CSMD1: variants seen among roughly 807,000 people sequenced by gnomAD.
The protein encoded by CSMD1 is CUB and sushi domain-containing protein 1.
Under a neutral mutation model 417.5 loss-of-function variants are expected in CSMD1, and 213 were observed. The observed-to-expected ratio is 0.51, with a 90% CI of 0.46 to 0.57. CSMD1 has a LOEUF of 0.57. Among genes scored for constraint, CSMD1 ranks in the 20% least tolerant of loss-of-function variants. The pLI is 0.00. For synonymous variants in CSMD1, 2,862 were observed against 1,736.8 expected (o/e 1.65, Z -16.11); for missense variants, 6,923 against 4,529.7 (o/e 1.53, Z -15.17).
Position 3,072,048 on chromosome 8 carries a change from T to C in CSMD1, c.7474+15049A>G, listed in dbSNP as rs146632456. 7.3e-3 allele frequency among the ~76,000 whole-genome samples: 1,119 copies of C among 152,342 alleles called. 14 individuals are homozygous for C. The highest frequency in any genetic ancestry group is 0.025 in the African/African-American group (1,048 of 41,572). On this transcript the variant is annotated intron_variant, in intron 49 of 69. Transcript: ENST00000635120. ...ATGATTTTCTGGATAATGCATTCCA[T>C]ACAATGCTCGTCTAAGTTATTTTTT... is the stretch of plus-strand genomic sequence containing the variant.
chr8:3,373,795 T>C (rs972330664), intron 18 of CSMD1: 1 of 152,200 alleles, frequency 6.6e-6, no homozygotes, highest in African/African-American at 2.4e-5. Flanking sequence ...AATTTTACTT[T>C]TCTATTTATG....
chr8:3,380,798 G>C (rs1362195440), intron 18 of CSMD1, among the ~76,000 whole-genome samples: 1 of 152,072 alleles, frequency 6.6e-6, no homozygotes, highest in East Asian at 1.9e-4. Flanking sequence ...GTAGATGATG[G>C]GTTGTTGGGT....
At chr8:3,982,066 G>C (rs1419761749) in intron 5 of CSMD1, among the ~76,000 whole-genome samples, 3 of 151,796 alleles carry the variant, frequency 2.0e-5, no homozygotes, top group South Asian at 2.1e-4. Flanking sequence ...AGCTACGCAG[G>C]AGAATGGGGT....
intron 12 of CSMD1, among the ~76,000 whole-genome samples, chr8:3,430,480 T>A (rs1814145587): frequency 6.6e-6 from 1 of 152,204 alleles, no homozygotes; most frequent in Non-Finnish European, 1.5e-5. Flanking sequence ...ATGATGGTTA[T>A]GAAGTCCCTT....
chr8:3,284,642 C>A, intron 25 of CSMD1: 1 of 354,342 alleles, frequency 2.8e-6, no homozygotes, highest in South Asian at 3.0e-5. Context: ...ACTTCCAGAT[C>A]TCTGTATAAT....
At chr8:3,778,760 C>T (rs1208361478) in intron 5 of CSMD1, among the ~76,000 whole-genome samples, 1 of 152,182 alleles carries the variant, frequency 6.6e-6, no homozygotes, top group Non-Finnish European at 1.5e-5. Flanking sequence ...CAAATAATTG[C>T]TTGTGATTGG....
intron 28 of CSMD1, among the ~76,000 whole-genome samples, chr8:3,223,076 A>G (rs950187507): frequency 1.3e-5 from 2 of 152,252 alleles, no homozygotes; most frequent in Non-Finnish European, 2.9e-5. Flanking sequence ...GTCAAAGTCT[A>G]AAGTTAGAAA....
chr8:4,244,298 T>C (rs911276323), intron 3 of CSMD1, among the ~76,000 whole-genome samples: 2 of 152,248 alleles, frequency 1.3e-5, no homozygotes, highest in East Asian at 3.9e-4. Context: ...GGAAACACTA[T>C]GCAGTCTTGT....
intron 3 of CSMD1, among the ~76,000 whole-genome samples, chr8:4,277,696 A>G (rs918191524): frequency 6.6e-6 from 1 of 152,186 alleles, no homozygotes; most frequent in Non-Finnish European, 1.5e-5. Flanking sequence ...GAATTTAAGA[A>G]ACTCCTTAAA....
intron 52 of CSMD1, among the ~76,000 whole-genome samples, chr8:3,011,662 G>T (rs539021517): frequency 7.2e-5 from 11 of 152,184 alleles, no homozygotes; most frequent in Non-Finnish European, 1.0e-4. Context: ...TGTCCTCTAT[G>T]TGGGAAATAA....
intron 3 of CSMD1, among the ~76,000 whole-genome samples, chr8:4,416,733 A>G (rs977400952): frequency 6.6e-6 from 1 of 152,120 alleles, no homozygotes; most frequent in East Asian, 1.9e-4. Context: ...CTCAAGTCTA[A>G]TATGTGTCAG....
In CSMD1 at chr8:4,729,102, A is replaced by G. The variant is rs1585009098; in HGVS notation, c.86-91544T>C. ...GGATGTTCAGCCCTAAATTATTTCC[A>G]TATCTGAAACCAGGACAAGGAGGAA... On this transcript the variant is annotated intron_variant, in intron 1 of 69. Transcript: ENST00000635120. Among the ~76,000 whole-genome samples the G allele has an allele frequency of 2.6e-5, 4 of 152,312 alleles. 1 individual carries two copies. The highest frequency in any genetic ancestry group is 2.4e-5 in the African/African-American group (1 of 41,572).
At chr8:4,366,193 C>A (rs1802059023) in intron 3 of CSMD1, among the ~76,000 whole-genome samples, 1 of 152,062 alleles carries the variant, frequency 6.6e-6, no homozygotes, top group Non-Finnish European at 1.5e-5. Flanking sequence ...TCTGTCTCTG[C>A]ATTGCTTCAC....
intron 1 of CSMD1, among the ~76,000 whole-genome samples, chr8:4,852,467 C>T (rs140840882): frequency 2.5e-4 from 38 of 152,240 alleles, no homozygotes; most frequent in African/African-American, 8.9e-4. Context: ...CTTGATGAGG[C>T]CTCACCAGTT....
chr8:4,822,212 G>C (rs190597214), intron 1 of CSMD1, among the ~76,000 whole-genome samples: 1 of 152,064 alleles, frequency 6.6e-6, no homozygotes, highest in Admixed American at 6.6e-5. Flanking sequence ...TGTGTGATTC[G>C]TGGGGGTTTG....
chr8:3,583,066 T>G (rs1178365946), intron 9 of CSMD1, among the ~76,000 whole-genome samples: 1 of 152,164 alleles, frequency 6.6e-6, no homozygotes, highest in Non-Finnish European at 1.5e-5. Context: ...AACTCCTGCC[T>G]GTGGACAGCA....
chr8:4,359,773 G>C (rs1165445305), intron 3 of CSMD1, among the ~76,000 whole-genome samples: 2 of 152,210 alleles, frequency 1.3e-5, no homozygotes, highest in African/African-American at 4.8e-5. Context: ...ACGTCAAGGA[G>C]TTGGTAAAGA....
At chr8:4,573,597 G>A (rs1478124352) in intron 2 of CSMD1, among the ~76,000 whole-genome samples, 4 of 152,054 alleles carry the variant, frequency 2.6e-5, no homozygotes, top group African/African-American at 4.8e-5. Context: ...GAGGTATGGG[G>A]GTCAGGGTCC....
chr8:4,664,752 A>G (rs971508178), intron 1 of CSMD1, among the ~76,000 whole-genome samples: 3 of 152,166 alleles, frequency 2.0e-5, no homozygotes, highest in Non-Finnish European at 2.9e-5. Context: ...TCTTATAGAG[A>G]CAATCAAATT....
Sources: gnomAD v4.1 joint callset for allele counts (sites outside exome capture counted in the v4.1 genomes callset) on GRCh38, gnomAD v4.1.1 for gene constraint, MANE v1.5 for transcripts, NCBI Gene and HGNC (gene_info 2026-07-23, HGNC 2026-07-21) for gene names.